The following LRP6 variants were observed in gnomAD, a reference collection of about 807,000 sequenced individuals.
LRP6 encodes the protein low-density lipoprotein receptor-related protein 6.
Under a neutral mutation model 184.1 loss-of-function variants are expected in LRP6, and 43 were observed. The observed-to-expected ratio is 0.23, with a 90% CI of 0.18 to 0.30. The LOEUF is 0.30. LRP6 is among the 10% of genes least tolerant of loss of function. The probability of loss-of-function intolerance (pLI) is 1.00; values close to 1 mark genes in which losing one functional copy is unlikely to be tolerated. For synonymous variants in LRP6, 719 were observed against 684.9 expected (o/e 1.05, Z -0.78); for missense variants, 1,571 against 2,005.3 (o/e 0.78, Z 4.14).
intron 2 of LRP6, among the ~76,000 whole-genome samples, chr12:12,231,688 T>G (rs73057406): frequency 0.018 from 2,798 of 151,934 alleles, 42 homozygotes; most frequent in Non-Finnish European, 0.024. Flanking sequence ...AACGGTTTTT[T>G]TTTTGTTTTG....
intron 15 of LRP6, among the ~76,000 whole-genome samples, chr12:12,144,759 T>C (rs1272154959): frequency 2.0e-5 from 3 of 152,304 alleles, no homozygotes; most frequent in East Asian, 3.9e-4. Context: ...TCATGTCCTT[T>C]GCAGAGACAT....
chr12:12,184,133 G>C, intron 4 of LRP6, 22 bp from the exon 5 acceptor site: 2 of 1,606,998 alleles, frequency 1.2e-6, no homozygotes, highest in African/African-American at 1.3e-5. Context: ...AAATCACATT[G>C]ATTAATATCA....
At chr12:12,125,218 C>T (rs1949656374) in intron 21 of LRP6, 78 bp downstream of exon 21, 1 of 1,550,174 alleles carries the variant, frequency 6.5e-7, no homozygotes, top group South Asian at 1.1e-5. Flanking sequence ...ATTACTATCA[C>T]TGATCACCCA....
At chr12:12,183,873 A>G in intron 5 of LRP6, 107 bp downstream of exon 5, 1 of 963,610 alleles carries the variant, frequency 1.0e-6, no homozygotes, top group South Asian at 1.4e-5. Context: ...AAATTAAGTG[A>G]CTGGTCTCCC....
At chr12:12,161,457 A>C (rs542122517) in intron 10 of LRP6, among the ~76,000 whole-genome samples, 14 of 151,996 alleles carry the variant, frequency 9.2e-5, no homozygotes, top group Non-Finnish European at 1.8e-4. Flanking sequence ...TTTAGTAGTT[A>C]CGGGGTTTCA....
chr12:12,192,556 TGAAAA>T (rs1863645355), intron 3 of LRP6, among the ~76,000 whole-genome samples: 1 of 151,762 alleles, frequency 6.6e-6, no homozygotes, highest in Non-Finnish European at 1.5e-5. Flanking sequence ...ACAAATAGAT[TGAAAA>T]GAAAAGGTTA....
In LRP6 at chr12:12,149,103, T is replaced by G. The variant is rs1591887337; in HGVS notation, c.3045A>C (p.Gln1015His). The change falls in exon 14 of 23, where the codon CAA becomes CAC. Residue 1015 changes from glutamine (Q) to histidine (H), a missense_variant. Gln to His is a conservative substitution (Grantham distance 24, BLOSUM62 0). Transcript: ENST00000261349. Reference protein sequence around the residue: ...SSVPSQNLEIQPYDLSIDIYS... With the variant: ...SSVPSQNLEIHPYDLSIDIYS... The stretch of plus-strand genomic sequence containing the variant: ...AAATATCAATGCTGAGGTCATAGGG[T>G]TGTATTTCCAGGTTCTGACTCGGAA... 2 of 1,613,958 alleles carry G rather than the reference T, an allele frequency of 1.2e-6. No homozygotes were observed. Among genetic ancestry groups the G allele is most frequent in the Non-Finnish European group, 1.7e-6 (2 of 1,179,986 alleles).
chr12:12,158,314 G>T (rs1190076443), intron 12 of LRP6, among the ~76,000 whole-genome samples: 1 of 152,028 alleles, frequency 6.6e-6, no homozygotes, highest in Non-Finnish European at 1.5e-5. Context: ...ATGTCCAAGG[G>T]TAAAAGACTT....
intron 2 of LRP6, among the ~76,000 whole-genome samples, chr12:12,211,797 A>G (rs1383969402): frequency 6.6e-6 from 1 of 152,216 alleles, no homozygotes; most frequent in African/African-American, 2.4e-5. Context: ...TAACATTGGT[A>G]AACCACTACT....
rs1949584051 is a variant in LRP6, at chr12:12,120,043, A to ATATATATATATATATAT, written c.*1082_*1083insATATATATATATATATA. ...TATATATATATATATATATATATAT[A>ATATATATATATATATAT]AATGATTTCGTACTGTGATATATGC... On this transcript the variant is annotated 3_prime_UTR_variant, in exon 23 of 23. Transcript: ENST00000261349. 2.6e-5 allele frequency: 3 copies of ATATATATATATATATAT among 114,056 alleles called. No individual in the cohort carries two copies. The highest frequency in any genetic ancestry group is 3.6e-5 in the Non-Finnish European group (2 of 56,022). The allele number at this position is 114,056 out of a possible 1,614,324, so 7.1% of individuals were successfully genotyped here. A position where few individuals can be genotyped will look rare whatever the true frequency, so the allele number is the denominator to read the frequency against.
chr12:12,233,369 G>A (rs547855286), intron 2 of LRP6, among the ~76,000 whole-genome samples: 1 of 152,306 alleles, frequency 6.6e-6, no homozygotes, highest in East Asian at 1.9e-4. Flanking sequence ...TCAAGAGGCT[G>A]AGACAGGAGA....
At chr12:12,214,016 A>G (rs1349399753) in intron 2 of LRP6, among the ~76,000 whole-genome samples, 1 of 152,128 alleles carries the variant, frequency 6.6e-6, no homozygotes, top group East Asian at 1.9e-4. Flanking sequence ...ATCTGGTTGC[A>G]GGACAGTTCT....
chr12:12,253,042 T>C (rs1164599596), intron 1 of LRP6, among the ~76,000 whole-genome samples: 1 of 152,210 alleles, frequency 6.6e-6, no homozygotes, highest in Non-Finnish European at 1.5e-5. Flanking sequence ...TGCAGGTTGA[T>C]CACCTGAGGT....
chr12:12,164,967 A>T, intron 8 of LRP6, 112 bp downstream of exon 8: 1 of 500,126 alleles, frequency 2.0e-6, no homozygotes, highest in Non-Finnish European at 3.6e-6. Flanking sequence ...GCGGGGGGGC[A>T]GTAAAGAAGG....
At position 12,157,946 on chromosome 12, in the gene LRP6, G is replaced by A. The variant is rs528158901; in HGVS notation, c.2791+883C>T. Among the ~76,000 whole-genome samples, 5 of 152,036 alleles carry A rather than the reference G, an allele frequency of 3.3e-5. No individual in the cohort carries two copies. In the East Asian group the frequency reaches 5.8e-4, roughly 18 times the overall value. On this transcript the variant is annotated intron_variant, in intron 12 of 22. Coordinates refer to ENST00000261349, the MANE Select transcript of LRP6 (RefSeq NM_002336.3). ...TGTTAGTGTTATGTGTGTACTTGCCGGTATTTAAAAATCAGGAGATGAGGG... is the reference window on the plus strand; with the variant it reads ...TGTTAGTGTTATGTGTGTACTTGCCAGTATTTAAAAATCAGGAGATGAGGG...
chr12:12,199,683 C>G (rs908811390), intron 3 of LRP6, among the ~76,000 whole-genome samples: 1 of 151,750 alleles, frequency 6.6e-6, no homozygotes, highest in Non-Finnish European at 1.5e-5. Flanking sequence ...AAACAAGGCT[C>G]GGCCAGGCAC....
intron 17 of LRP6, among the ~76,000 whole-genome samples, chr12:12,133,097 A>G (rs1299549014): frequency 1.3e-5 from 2 of 152,196 alleles, no homozygotes; most frequent in Non-Finnish European, 2.9e-5. Context: ...GCACTATACT[A>G]TCTATATTGT....
intron 2 of LRP6, among the ~76,000 whole-genome samples, chr12:12,216,735 C>G (rs1864358071): frequency 6.6e-6 from 1 of 151,510 alleles, no homozygotes; most frequent in Non-Finnish European, 1.5e-5. Flanking sequence ...ATAATCCAAA[C>G]AGCCTCTTTC....
intron 2 of LRP6, among the ~76,000 whole-genome samples, chr12:12,233,436 C>G (rs1591972484): frequency 1.3e-5 from 2 of 152,192 alleles, no homozygotes; most frequent in East Asian, 3.9e-4. Context: ...CCACTGCACT[C>G]CAGCCTGGGC....
Sources: gnomAD v4.1 joint callset for allele counts (sites outside exome capture counted in the v4.1 genomes callset) on GRCh38, gnomAD v4.1.1 for gene constraint, MANE v1.5 for transcripts, NCBI Gene and HGNC (gene_info 2026-07-23, HGNC 2026-07-21) for gene names.